The following SNX1 variants were observed in gnomAD, a reference collection of about 807,000 sequenced individuals.
SNX1 encodes sorting nexin-1.
A neutral mutation model predicts 71.8 loss-of-function variants in SNX1; 36 were observed. The ratio of observed to expected loss-of-function variants is 0.50; its 90% CI spans 0.38 to 0.66. SNX1 has a LOEUF of 0.66. Ranked by LOEUF, SNX1 falls within the 30% of genes least tolerant of loss-of-function variation. The pLI is 0.00. For missense variants in SNX1, 612 were observed against 646.7 expected (o/e 0.95, Z 0.58); for synonymous variants, 254 against 240.7 (o/e 1.06, Z -0.51).
chr15:64,144,019 AAAG>A lies in SNX1; in HGVS notation c.*6402_*6404del, dbSNP rs557197828. 16 of 152,298 alleles carry A rather than the reference AAAG, an allele frequency of 1.1e-4. No individual in the cohort carries two copies. The East Asian group carries it at 1.4e-3, about 13-fold the overall frequency. The allele number at this position is 152,298 out of a possible 1,614,324, so 9.4% of individuals were successfully genotyped here. ...GGAAAACTCATATTTTTTAGTGAAA[AAAG>A]CAGGTTATAGAATTGCATGATATTC... is the stretch of plus-strand genomic sequence containing the variant. On this transcript the variant is annotated 3_prime_UTR_variant, in exon 15 of 15. Transcript: ENST00000559844. The surrounding 1 kb of genome is among the most constrained non-coding windows in gnomAD (Gnocchi z 4.3).
At position 64,112,695 on chromosome 15, in the gene SNX1, A is replaced by T; in HGVS notation, c.271+11A>T. On this transcript the variant is annotated intron_variant, in intron 2 of 14. Coordinates refer to ENST00000559844, the MANE Select transcript of SNX1 (RefSeq NM_003099.5). ...AGGATCTCTTTGCAGGCAAGTTTGGACTCAAAAGTTACTCTAGGAACCTCC... is the reference window on the plus strand; with the variant it reads ...AGGATCTCTTTGCAGGCAAGTTTGGTCTCAAAAGTTACTCTAGGAACCTCC... 1.0e-5 allele frequency: 16 copies of T among 1,576,692 alleles called. No individual in the cohort carries two copies. Among genetic ancestry groups the T allele is most frequent in the Non-Finnish European group, 1.4e-5 (16 of 1,149,538 alleles).
At chr15:64,109,906 A>G (rs190502574) in intron 1 of SNX1, among the ~76,000 whole-genome samples, 242 of 152,286 alleles carry the variant, frequency 1.6e-3, no homozygotes, top group African/African-American at 5.6e-3. Flanking sequence ...GGGGGAATGT[A>G]AATTGTTGGT....
Position 64,127,241 on chromosome 15 carries a change from C to A in SNX1, c.720C>A (p.Ala240=). The part of the protein sequence containing the change: ...SSAEFLEKRR[A]ALERYLQRIV... The stretch of plus-strand genomic sequence containing the variant: ...CAGAATTTCTTGAAAAACGGAGGGC[C>A]GCTTTAGAAAGGTAAGTGCCATGCA... The change falls in exon 7 of 15, where the codon GCC becomes GCA. Residue 240 remains alanine, a synonymous_variant. Coordinates refer to ENST00000559844, the MANE Select transcript of SNX1 (RefSeq NM_003099.5). 1.2e-6 allele frequency: 2 copies of A among 1,612,950 alleles called. No individual in the cohort carries two copies. Among genetic ancestry groups the A allele is most frequent in the Non-Finnish European group, 8.5e-7 (1 of 1,179,408 alleles).
intron 2 of SNX1, among the ~76,000 whole-genome samples, chr15:64,117,849 G>T (rs2081147253): frequency 1.3e-5 from 2 of 152,066 alleles, no homozygotes; most frequent in South Asian, 2.1e-4. Context: ...GCTTATCCTT[G>T]GTTCTTGTAT....
Position 64,138,004 on chromosome 15 carries a change from A to G in SNX1, c.*386A>G. 1.3e-6 allele frequency: 2 copies of G among 1,482,548 alleles called. No individual in the cohort carries two copies. Among genetic ancestry groups the G allele is most frequent in the Non-Finnish European group, 1.8e-6 (2 of 1,124,486 alleles). The allele number at this position is 1,482,548 out of a possible 1,614,324, so 91.8% of individuals were successfully genotyped here. ...TTATGTAATAAAATATTTTAAAATC[A>G]GGTCACATGACTCAGAATGTTGGTG... On this transcript the variant is annotated 3_prime_UTR_variant, in exon 15 of 15. Coordinates refer to ENST00000559844, the MANE Select transcript of SNX1 (RefSeq NM_003099.5).
chr15:64,107,773 T>C (rs2081037394), intron 1 of SNX1, among the ~76,000 whole-genome samples: 1 of 152,168 alleles, frequency 6.6e-6, no homozygotes, highest in African/African-American at 2.4e-5. Flanking sequence ...GGCGATTCTT[T>C]GGCATTATTT....
intron 2 of SNX1, 147 bp from the exon 3 acceptor site, chr15:64,117,967 TCTC>T (rs761023418): frequency 4.3e-6 from 3 of 690,722 alleles, no homozygotes; most frequent in Admixed American, 3.3e-5. Flanking sequence ...CCTCCCCTTT[TCTC>T]CTTGTAAACA....
rs1383533494 is a variant in SNX1, at chr15:64,122,983, T to A, written c.467-520T>A. ...TGGTGAACATGCTAGATCAGAGAGG[T>A]CAGTGTCCCCCCCGGCACCAATGGA... On this transcript the variant is annotated intron_variant, in intron 4 of 14. Coordinates refer to ENST00000559844, the MANE Select transcript of SNX1 (RefSeq NM_003099.5). 3.3e-5 allele frequency among the ~76,000 whole-genome samples: 5 copies of A among 151,852 alleles called. No homozygotes were observed. The East Asian group carries it at 9.6e-4, about 29-fold the overall frequency.
At chr15:64,124,147 C>CATATGTATATATATATATAT (rs1222104314) in intron 5 of SNX1, among the ~76,000 whole-genome samples, 1 of 105,434 alleles carries the variant, frequency 9.5e-6, no homozygotes, top group Non-Finnish European at 1.7e-5. Context: ...GAAATCTTTA[C>CATATGTATATATATATATAT]ATATATATAT....
chr15:64,101,024 A>G (rs779693145), intron 1 of SNX1, among the ~76,000 whole-genome samples: 4 of 152,174 alleles, frequency 2.6e-5, no homozygotes, highest in African/African-American at 4.8e-5. Flanking sequence ...TGGTCTCTTA[A>G]CTACTGGGCT....
chr15:64,132,937 C>T (rs1236849099), intron 11 of SNX1, among the ~76,000 whole-genome samples: 3 of 152,196 alleles, frequency 2.0e-5, no homozygotes, highest in African/African-American at 7.2e-5. Context: ...ACTGGAGAGC[C>T]AGCTGCAGGA....
intron 10 of SNX1, among the ~76,000 whole-genome samples, chr15:64,131,007 G>A (rs1233178167): frequency 2.0e-5 from 3 of 152,188 alleles, no homozygotes; most frequent in South Asian, 2.1e-4. Context: ...ATTATTAGCC[G>A]GTCGCGGTGG....
intron 14 of SNX1, 110 bp from the exon 15 acceptor site, chr15:64,137,458 T>A: frequency 8.4e-7 from 1 of 1,190,120 alleles, no homozygotes; most frequent in Non-Finnish European, 1.2e-6. Context: ...CCTGCCTTTG[T>A]GTGGCAGGCG....
chr15:64,123,477 T>C, intron 4 of SNX1, 26 bp from the exon 5 acceptor site: 1 of 1,606,680 alleles, frequency 6.2e-7, no homozygotes, highest in Non-Finnish European at 8.5e-7. Context: ...TACAAGATAA[T>C]CTTCTGCTTT....
Position 64,130,276 on chromosome 15 carries a change from C to A in SNX1, c.970C>A (p.Arg324=). 6.2e-7 allele frequency: 1 copy of A among 1,614,062 alleles called. No homozygotes were observed. The highest frequency in any genetic ancestry group is 8.5e-7 in the Non-Finnish European group (1 of 1,179,992). ...QEVECEEQRL[R]KLHAVVETLV... ...GGTAGAGTGTGAGGAGCAGCGCTTA[C>A]GGAAACTGCATGCTGTTGTAGAAAC... Residue 324 remains arginine (R), a synonymous_variant, in exon 10 of 15, where the codon CGG becomes AGG. Transcript: ENST00000559844.
intron 2 of SNX1, among the ~76,000 whole-genome samples, chr15:64,116,076 C>T (rs1281537820): frequency 6.6e-6 from 1 of 152,148 alleles, no homozygotes; most frequent in Non-Finnish European, 1.5e-5. Context: ...CTACTGTTGA[C>T]TGGAAGCCTT....
At position 64,137,919 on chromosome 15, in the gene SNX1, G is replaced by T; in HGVS notation, c.*301G>T. On this transcript the variant is annotated 3_prime_UTR_variant, in exon 15 of 15. Coordinates refer to ENST00000559844, the MANE Select transcript of SNX1 (RefSeq NM_003099.5). ...ATAAATACAAATGTATATTTTTCAG[G>T]ATGTGGTTTAGGAACTGGGAATAAC... 1 of 1,404,824 alleles carries T rather than the reference G, an allele frequency of 7.1e-7. No individual in the cohort carries two copies. Among genetic ancestry groups the T allele is most frequent in the Non-Finnish European group, 9.2e-7 (1 of 1,085,912 alleles). The allele number at this position is 1,404,824 out of a possible 1,614,324, so 87.0% of individuals were successfully genotyped here.
At chr15:64,122,889 T>C (rs1324147829) in intron 4 of SNX1, among the ~76,000 whole-genome samples, 2 of 152,050 alleles carry the variant, frequency 1.3e-5, no homozygotes, top group Non-Finnish European at 2.9e-5. Flanking sequence ...TAAAAATAAT[T>C]GCTCCAGGAA....
At chr15:64,112,888 A>G (rs1312915963) in intron 2 of SNX1, among the ~76,000 whole-genome samples, 2 of 152,220 alleles carry the variant, frequency 1.3e-5, no homozygotes, top group African/African-American at 2.4e-5. Flanking sequence ...TAAATACACA[A>G]TTGTTTAAGA....
Sources: allele counts gnomAD v4.1 joint callset (sites outside exome capture counted in the v4.1 genomes callset), GRCh38; gene constraint gnomAD v4.1.1; non-coding constraint Gnocchi (gnomAD v3.1); transcripts MANE v1.5; gene names NCBI Gene and HGNC (gene_info 2026-07-23, HGNC 2026-07-21).